DPP10: variants seen among roughly 807,000 people sequenced by gnomAD.
DPP10 encodes inactive dipeptidyl peptidase 10.
A neutral mutation model predicts 120.9 loss-of-function variants in DPP10; 33 were observed. The observed-to-expected ratio is 0.27, with a 90% confidence interval of 0.21 to 0.37. The LOEUF is 0.37. Ranked by LOEUF, DPP10 falls within the 10% of genes least tolerant of loss-of-function variation. The pLI is 1.00. For missense variants in DPP10, 816 were observed against 942.8 expected (o/e 0.87, Z 1.76); for synonymous variants, 337 against 326.1 (o/e 1.03, Z -0.36).
At chr2:114,708,204 C>A (rs1700802019) in intron 1 of DPP10, among the ~76,000 whole-genome samples, 1 of 152,148 alleles carries the variant, frequency 6.6e-6, no homozygotes, top group Non-Finnish European at 1.5e-5. Context: ...TTGCCCAGGG[C>A]AGGTGGAGCC....
At position 115,379,680 on chromosome 2, in the gene DPP10, G is replaced by C. The variant is rs577134709; in HGVS notation, c.271+35768G>C. ...TTTTGGATCTTTCCTGCTTTGTCTT[G>C]TGGGCATTTAGTGCTATAAATTTCC... On this transcript the variant is annotated intron_variant, in intron 3 of 25. Transcript: ENST00000410059. Among the ~76,000 whole-genome samples the C allele has an allele frequency of 3.3e-5, 5 of 152,064 alleles. No individual in the cohort carries two copies. In the South Asian group the frequency reaches 1.0e-3, roughly 32 times the overall value.
At chr2:114,604,231 G>A (rs1186804705) in intron 1 of DPP10, among the ~76,000 whole-genome samples, 1 of 152,012 alleles carries the variant, frequency 6.6e-6, no homozygotes, top group Admixed American at 6.6e-5. Context: ...CAAGGCACGA[G>A]GAGCCATTCT....
chr2:115,069,996 G>C (rs1226206278), intron 1 of DPP10, among the ~76,000 whole-genome samples: 1 of 151,894 alleles, frequency 6.6e-6, no homozygotes, highest in Non-Finnish European at 1.5e-5. Flanking sequence ...TGTTTATATA[G>C]TGTCTGCATT....
chr2:115,011,309 G>C (rs916078229), intron 1 of DPP10, among the ~76,000 whole-genome samples: 1 of 152,116 alleles, frequency 6.6e-6, no homozygotes, highest in African/African-American at 2.4e-5. Context: ...TTATGTTGTC[G>C]TTTACCTCTT....
intron 1 of DPP10, among the ~76,000 whole-genome samples, chr2:115,228,212 A>T (rs562731554): frequency 1.3e-5 from 2 of 152,024 alleles, no homozygotes; most frequent in Admixed American, 6.6e-5. Flanking sequence ...CTACCAAAGT[A>T]CTGGGACTAC....
intron 19 of DPP10, among the ~76,000 whole-genome samples, chr2:115,795,463 A>G (rs1165126550): frequency 6.6e-6 from 1 of 152,100 alleles, no homozygotes; most frequent in African/African-American, 2.4e-5. Flanking sequence ...CAAGAAATTC[A>G]TGGTCATCCA....
intron 1 of DPP10, among the ~76,000 whole-genome samples, chr2:114,611,887 G>C (rs1693313450): frequency 6.6e-6 from 1 of 152,146 alleles, no homozygotes; most frequent in Non-Finnish European, 1.5e-5. Context: ...ATCTAGGAAA[G>C]TCATTAAAAA....
intron 1 of DPP10, among the ~76,000 whole-genome samples, chr2:115,126,683 C>T (rs1445413619): frequency 1.3e-5 from 2 of 152,124 alleles, no homozygotes; most frequent in African/African-American, 2.4e-5. Flanking sequence ...TGCTCTCTCT[C>T]TTGTTTCTTT....
chr2:115,480,192 T>C (rs747341957), intron 3 of DPP10, among the ~76,000 whole-genome samples: 1 of 152,148 alleles, frequency 6.6e-6, no homozygotes, highest in African/African-American at 2.4e-5. Flanking sequence ...CTTAATTGTA[T>C]GATGTTAGTC....
chr2:114,571,304 C>T (rs1219852267), intron 1 of DPP10, among the ~76,000 whole-genome samples: 1 of 151,992 alleles, frequency 6.6e-6, no homozygotes, highest in Non-Finnish European at 1.5e-5. Flanking sequence ...TGTGGTGCCT[C>T]CTCACTCTCT....
chr2:115,302,211 G>GC (rs200722054), intron 1 of DPP10, among the ~76,000 whole-genome samples: 2,108 of 151,940 alleles, frequency 0.014, 107 homozygotes, highest in Admixed American at 0.097. Context: ...AGGGAAATCT[G>GC]CCCCCCGTCA....
intron 1 of DPP10, chr2:114,461,699 C>T (rs974082056): frequency 3.0e-6 from 3 of 985,284 alleles, no homozygotes; most frequent in East Asian, 2.3e-4. Flanking sequence ...TTTGATCAGC[C>T]GTCTGCACTT....
At chr2:114,995,676 G>C (rs1701033490) in intron 1 of DPP10, among the ~76,000 whole-genome samples, 1 of 152,050 alleles carries the variant, frequency 6.6e-6, no homozygotes, top group Admixed American at 6.5e-5. Flanking sequence ...TGTGGAAATT[G>C]TGCCCGGTTT....
At chr2:114,887,321 C>T (rs1692157579) in intron 1 of DPP10, among the ~76,000 whole-genome samples, 1 of 152,050 alleles carries the variant, frequency 6.6e-6, no homozygotes, top group Non-Finnish European at 1.5e-5. Flanking sequence ...TTAAGGTAGG[C>T]TCGGGAGAAA....
chr2:115,145,037 C>T (rs1221559275), intron 1 of DPP10: 1 of 151,490 alleles, frequency 6.6e-6, no homozygotes, highest in African/African-American at 2.4e-5. Flanking sequence ...CCTGAGGAAA[C>T]AGGAAGAAAA....
At position 115,715,622 on chromosome 2, in the gene DPP10, G is replaced by A. The variant is rs1003064765; in HGVS notation, c.577-12194G>A. ...CAGCAACAGGGGCTGTGACTTAGTC[G>A]CTATTGTTTCACAGACACATTAGGA... On this transcript the variant is annotated intron_variant, in intron 7 of 25. Transcript: ENST00000410059. 1.5e-4 allele frequency among the ~76,000 whole-genome samples: 23 copies of A among 152,260 alleles called. 1 individual carries two copies. The highest frequency in any genetic ancestry group is 4.3e-4 in the African/African-American group (18 of 41,544).
intron 1 of DPP10, among the ~76,000 whole-genome samples, chr2:114,846,490 A>C (rs901641901): frequency 6.6e-6 from 1 of 152,136 alleles, no homozygotes; most frequent in African/African-American, 2.4e-5. Context: ...TTGGGCTTCC[A>C]TCTCTTCCTT....
intron 1 of DPP10, among the ~76,000 whole-genome samples, chr2:115,213,664 C>A (rs1574033749): frequency 6.6e-6 from 1 of 151,996 alleles, no homozygotes; most frequent in Non-Finnish European, 1.5e-5. Flanking sequence ...CTTGATTTTG[C>A]TTTTAGTTGT....
intron 1 of DPP10, among the ~76,000 whole-genome samples, chr2:114,556,480 G>C (rs1374091889): frequency 6.6e-6 from 1 of 151,850 alleles, no homozygotes; most frequent in African/African-American, 2.4e-5. Context: ...GGGTAGTGAA[G>C]AGGGAATTTG....
Sources: allele counts gnomAD v4.1 joint callset (sites outside exome capture counted in the v4.1 genomes callset), GRCh38; gene constraint gnomAD v4.1.1; transcripts MANE v1.5; gene names NCBI Gene and HGNC (gene_info 2026-07-23, HGNC 2026-07-21).